ARHGAP44: variants seen among roughly 807,000 people sequenced by gnomAD.
The protein encoded by ARHGAP44 is rho GTPase-activating protein 44.
ARHGAP44 carries 43 observed loss-of-function variants against 106.8 expected under a neutral mutation model. The ratio of observed to expected loss-of-function variants is 0.40; its 90% CI spans 0.32 to 0.52. The LOEUF (loss-of-function observed/expected upper bound fraction) is 0.52. Among genes scored for constraint, ARHGAP44 ranks in the 20% least tolerant of loss-of-function variants. ARHGAP44 has a pLI of 0.48. For synonymous variants in ARHGAP44, 439 were observed against 410.3 expected (o/e 1.07, Z -0.85); for missense variants, 866 against 1,050.5 (o/e 0.82, Z 2.43).
At chr17:12,833,124 C>T (rs1416639963) in intron 1 of ARHGAP44, among the ~76,000 whole-genome samples, 2 of 152,166 alleles carry the variant, frequency 1.3e-5, no homozygotes, top group African/African-American at 2.4e-5. Context: ...GGGTAGTCTT[C>T]GTTCTGTTTC....
intron 1 of ARHGAP44, among the ~76,000 whole-genome samples, chr17:12,854,958 C>CA (rs1182512832): frequency 0.05 from 2,503 of 49,776 alleles, 66 homozygotes; most frequent in East Asian, 0.094. Flanking sequence ...AACTCTGTCT[C>CA]AAAAAAAAAA....
At chr17:12,805,997 A>G (rs1228428030) in intron 1 of ARHGAP44, among the ~76,000 whole-genome samples, 2 of 152,212 alleles carry the variant, frequency 1.3e-5, no homozygotes, top group Admixed American at 6.5e-5. Context: ...AGGCAGTGGC[A>G]ACGGACAGAT....
intron 6 of ARHGAP44, among the ~76,000 whole-genome samples, chr17:12,921,286 C>T (rs752061686): frequency 2.6e-5 from 4 of 152,048 alleles, no homozygotes; most frequent in African/African-American, 4.8e-5. Context: ...AGGCTGTTCA[C>T]GAACTCCTGA....
At chr17:12,813,395 G>A (rs1289920480) in intron 1 of ARHGAP44, among the ~76,000 whole-genome samples, 1 of 152,024 alleles carries the variant, frequency 6.6e-6, no homozygotes, top group East Asian at 1.9e-4. Context: ...AACAAGAGGA[G>A]TACCTCAGTG....
chr17:12,959,369 C>T (rs532049686), intron 16 of ARHGAP44, among the ~76,000 whole-genome samples: 112 of 152,222 alleles, frequency 7.4e-4, no homozygotes, highest in South Asian at 8.3e-4. Context: ...ACAGCCTGAG[C>T]GTAAAATCCT....
At chr17:12,873,947 AAATAAAAG>A (rs1248480847) in intron 1 of ARHGAP44, among the ~76,000 whole-genome samples, 1,647 of 98,580 alleles carry the variant, frequency 0.017, 33 homozygotes, top group African/African-American at 0.057. Flanking sequence ...ATAAATAAAT[AAATAAAAG>A]AAAGAAAGAA....
chr17:12,903,007 G>A (rs1201405395), intron 3 of ARHGAP44, among the ~76,000 whole-genome samples: 1 of 151,514 alleles, frequency 6.6e-6, no homozygotes, highest in Non-Finnish European at 1.5e-5. Context: ...GTTTGGGGCT[G>A]AACCACAGAA....
chr17:12,811,331 C>T (rs1235505968), intron 1 of ARHGAP44, among the ~76,000 whole-genome samples: 1 of 146,262 alleles, frequency 6.8e-6, no homozygotes, highest in African/African-American at 2.6e-5. Flanking sequence ...AAAAAAAAAT[C>T]GTAAGAAAGA....
chr17:12,953,762 A>G (rs1307071116), intron 13 of ARHGAP44, among the ~76,000 whole-genome samples: 1 of 152,238 alleles, frequency 6.6e-6, no homozygotes, highest in African/African-American at 2.4e-5. Context: ...CAAATGCAGT[A>G]TATGATTCCA....
intron 17 of ARHGAP44, 72 bp from the exon 18 acceptor site, chr17:12,974,017 A>G (rs957796079): frequency 6.8e-7 from 1 of 1,462,908 alleles, no homozygotes; most frequent in East Asian, 2.5e-5. Flanking sequence ...ACCTGCTTGA[A>G]TGTGGGGGAG....
At chr17:12,954,719 T>G (rs2039085684) in intron 13 of ARHGAP44, among the ~76,000 whole-genome samples, 1 of 152,184 alleles carries the variant, frequency 6.6e-6, no homozygotes, top group South Asian at 2.1e-4. Flanking sequence ...CTCGGGGTCC[T>G]GGGGCCTCTT....
chr17:12,840,104 T>C (rs1265390990), intron 1 of ARHGAP44, among the ~76,000 whole-genome samples: 2 of 152,212 alleles, frequency 1.3e-5, no homozygotes, highest in Non-Finnish European at 2.9e-5. Flanking sequence ...TCTTAATTAA[T>C]TCTTTATGGT....
intron 1 of ARHGAP44, among the ~76,000 whole-genome samples, chr17:12,844,069 T>C (rs926093735): frequency 7.9e-5 from 12 of 152,206 alleles, no homozygotes; most frequent in Admixed American, 4.6e-4. Context: ...ACGTGGACTC[T>C]TTGGAGTCTG....
At chr17:12,891,095 GAAGTTT>G (rs1358358315) in intron 1 of ARHGAP44, among the ~76,000 whole-genome samples, 1 of 152,130 alleles carries the variant, frequency 6.6e-6, no homozygotes, top group Non-Finnish European at 1.5e-5. Flanking sequence ...TAACCTCTAA[GAAGTTT>G]TACCCTTCAT....
intron 3 of ARHGAP44, among the ~76,000 whole-genome samples, chr17:12,905,571 T>G (rs981054714): frequency 2.0e-5 from 3 of 152,174 alleles, no homozygotes; most frequent in Non-Finnish European, 2.9e-5. Context: ...TTGGTCCCCC[T>G]TGGGCACAGT....
rs145097530 is a variant in ARHGAP44 at position 12,898,340 on chromosome 17, C to G, written c.198+1829C>G. ...GATTGGTTTGCATTTAAAAAGCATGCTGTGAGTGAGTTGTTTACTATTTCT... is the reference window on the plus strand; with the variant it reads ...GATTGGTTTGCATTTAAAAAGCATGGTGTGAGTGAGTTGTTTACTATTTCT... On this transcript the variant is annotated intron_variant, in intron 3 of 20. Transcript: ENST00000379672. Among the ~76,000 whole-genome samples, 113 of 152,258 alleles carry G rather than the reference C, an allele frequency of 7.4e-4. No homozygotes were observed. The East Asian group carries it at 0.021, about 28-fold the overall frequency.
intron 1 of ARHGAP44, among the ~76,000 whole-genome samples, chr17:12,821,805 A>G (rs371476761): frequency 1.4e-4 from 21 of 152,170 alleles, no homozygotes; most frequent in Non-Finnish European, 2.5e-4. Flanking sequence ...GTTGCTTATT[A>G]AAAAAACAAC....
chr17:12,893,098 T>C (rs754394140), intron 1 of ARHGAP44, among the ~76,000 whole-genome samples: 1 of 152,202 alleles, frequency 6.6e-6, no homozygotes, highest in Non-Finnish European at 1.5e-5. Context: ...CTTTCTCTGA[T>C]GCTGCTCTAG....
chr17:12,991,630 T>TTTA lies in ARHGAP44; in HGVS notation c.*1464_*1466dup, dbSNP rs779612679. On this transcript the variant is annotated 3_prime_UTR_variant, in exon 21 of 21. Transcript: ENST00000379672. Reference sequence around the variant, plus strand: ...TCAAAAGTAACGTTATTAAAATAGATTTATTATCCCTGAGCTTGGCATCTG... The same window carrying TTTA: ...TCAAAAGTAACGTTATTAAAATAGATTTATTATTATCCCTGAGCTTGGCATCTG... 2 of 187,624 alleles carry TTTA rather than the reference T, an allele frequency of 1.1e-5. No individual in the cohort carries two copies. Among genetic ancestry groups the TTTA allele is most frequent in the Non-Finnish European group, 1.1e-5 (1 of 88,688 alleles). 11.6% of individuals were successfully genotyped at this position (187,624 alleles called of 1,614,324 possible). A position where few individuals can be genotyped will look rare whatever the true frequency, so the allele number is the denominator to read the frequency against.
Sources: allele counts gnomAD v4.1 joint callset (sites outside exome capture counted in the v4.1 genomes callset), GRCh38; gene constraint gnomAD v4.1.1; transcripts MANE v1.5; gene names NCBI Gene and HGNC (gene_info 2026-07-23, HGNC 2026-07-21).